Variants in RNF38 observed in about 807,000 individuals in gnomAD.
RNF38 encodes the protein ring finger protein 38.
RNF38 carries 15 observed loss-of-function variants against 67.2 expected under a neutral mutation model. The observed-to-expected ratio is 0.22, with a 90% CI of 0.15 to 0.34. RNF38 has a LOEUF of 0.34. Among genes scored for constraint, RNF38 ranks in the 10% least tolerant of loss-of-function variants. The pLI, the probability that RNF38 is intolerant of heterozygous loss-of-function variation, is 1.00. For missense variants in RNF38, 524 were observed against 639.9 expected (o/e 0.82, Z 1.95); for synonymous variants, 220 against 218.8 (o/e 1.01, Z -0.05).
chr9:36,388,723 G>T (rs1287345509), intron 2 of RNF38, among the ~76,000 whole-genome samples: 1 of 152,006 alleles, frequency 6.6e-6, no homozygotes, highest in Non-Finnish European at 1.5e-5. Flanking sequence ...AGCAGAGAGG[G>T]TGCCTTAGAA....
At chr9:36,478,387 G>A (rs1445147371) in intron 1 of RNF38, among the ~76,000 whole-genome samples, 1 of 115,560 alleles carries the variant, frequency 8.7e-6, no homozygotes, top group African/African-American at 3.3e-5. Context: ...CTGGGGGAGA[G>A]AGCGAGACTC....
At chr9:36,351,288 G>C in intron 8 of RNF38, 89 bp from the exon 9 acceptor site, 1 of 794,546 alleles carries the variant, frequency 1.3e-6, no homozygotes, top group Non-Finnish European at 2.0e-6. Flanking sequence ...GTGCTATAAG[G>C]ATGAAGAATG....
intron 5 of RNF38, 22 bp from the exon 6 acceptor site, chr9:36,356,495 T>C: frequency 3.9e-6 from 6 of 1,525,988 alleles, no homozygotes; most frequent in Non-Finnish European, 5.3e-6. Context: ...ACCATTACAG[T>C]TTGGTTAAAA....
intron 2 of RNF38, among the ~76,000 whole-genome samples, chr9:36,378,959 G>A (rs1195451652): frequency 2.0e-5 from 3 of 150,370 alleles, no homozygotes; most frequent in African/African-American, 7.4e-5. Flanking sequence ...GGAGTGCAGT[G>A]GCCTCATCTC....
chr9:36,368,011 G>A (rs986388120), intron 4 of RNF38, among the ~76,000 whole-genome samples: 5 of 151,922 alleles, frequency 3.3e-5, no homozygotes, highest in Admixed American at 2.0e-4. Context: ...GCCATCACGT[G>A]CGGCCAATTT....
At chr9:36,446,844 G>A (rs1437610075) in intron 1 of RNF38, among the ~76,000 whole-genome samples, 1 of 128,258 alleles carries the variant, frequency 7.8e-6, no homozygotes, top group Non-Finnish European at 1.6e-5. Context: ...AAAAAAGTCA[G>A]GCATGGTGGC....
At chr9:36,485,304 G>GTATATATATATATATATATATATA (rs1156313770) in intron 1 of RNF38, among the ~76,000 whole-genome samples, 2,288 of 150,252 alleles carry the variant, frequency 0.015, 53 homozygotes, top group African/African-American at 0.049. Flanking sequence ...ATCTCTTAGG[G>GTATATATATATATATATATATATA]TATATATACA....
intron 2 of RNF38, among the ~76,000 whole-genome samples, chr9:36,385,619 T>C (rs1198362113): frequency 6.6e-6 from 1 of 152,106 alleles, no homozygotes; most frequent in South Asian, 2.1e-4. Context: ...CCTCAGGTGA[T>C]CCACCCGCCT....
chr9:36,441,537 C>G (rs1209678242), intron 1 of RNF38, among the ~76,000 whole-genome samples: 2 of 152,066 alleles, frequency 1.3e-5, no homozygotes, highest in South Asian at 2.1e-4. Context: ...ACTGGCTGGG[C>G]TGGTCTTGAA....
chr9:36,441,289 T>C (rs978102533), intron 1 of RNF38, among the ~76,000 whole-genome samples: 2 of 152,064 alleles, frequency 1.3e-5, no homozygotes, highest in African/African-American at 4.8e-5. Flanking sequence ...CATAATTTCA[T>C]TTTGCAGGCT....
chr9:36,393,931 T>C (rs1451383448), intron 1 of RNF38, among the ~76,000 whole-genome samples: 1 of 152,134 alleles, frequency 6.6e-6, no homozygotes, highest in Non-Finnish European at 1.5e-5. Context: ...CTCAGTCCTA[T>C]AATCACAAGA....
intron 1 of RNF38, among the ~76,000 whole-genome samples, chr9:36,468,307 A>G (rs1190570423): frequency 1.3e-5 from 2 of 151,766 alleles, no homozygotes; most frequent in Admixed American, 1.3e-4. Context: ...TAGGAGACAG[A>G]GATTACCAGA....
intron 3 of RNF38, among the ~76,000 whole-genome samples, chr9:36,375,622 C>T (rs1306348102): frequency 6.6e-6 from 1 of 152,198 alleles, no homozygotes; most frequent in East Asian, 1.9e-4. Context: ...TTATGAACTA[C>T]AAAATGCATC....
chr9:36,486,355 T>A (rs548935927), intron 1 of RNF38, among the ~76,000 whole-genome samples: 17 of 151,958 alleles, frequency 1.1e-4, no homozygotes, highest in Non-Finnish European at 2.4e-4. Context: ...TCCTCCCAGC[T>A]TCCTTCCCCC....
At chr9:36,453,003 A>T (rs1056722746) in intron 1 of RNF38, among the ~76,000 whole-genome samples, 1 of 152,144 alleles carries the variant, frequency 6.6e-6, no homozygotes, top group Non-Finnish European at 1.5e-5. Context: ...GTTTTCAATT[A>T]CGTTGGGTAT....
chr9:36,400,929 G>A (rs1392999304), upstream of RNF38: 47 of 821,084 alleles, frequency 5.7e-5, no homozygotes, highest in East Asian at 3.2e-3. Context: ...GCCGCACCCC[G>A]CCTCACCCCG....
intron 1 of RNF38, among the ~76,000 whole-genome samples, chr9:36,484,938 G>A (rs574061558): frequency 1.7e-4 from 26 of 152,216 alleles, no homozygotes; most frequent in African/African-American, 5.3e-4. Flanking sequence ...AGGCAGAGGC[G>A]GGCAGATCAC....
Position 36,424,540 on chromosome 9 carries a change from G to A in RNF38, n.312+73C>T, listed in dbSNP as rs117505202. On this transcript the variant is annotated intron_variant and non_coding_transcript_variant, in intron 2 of 3. Coordinates refer to the RNF38 transcript ENST00000488058. ...ACACTCTTCTTGCCCTAGGCCCAGAGTTACGCAAGAGAATCCAGCAACGTA... is the reference window on the plus strand; with the variant it reads ...ACACTCTTCTTGCCCTAGGCCCAGAATTACGCAAGAGAATCCAGCAACGTA... 1.9e-4 allele frequency: 108 copies of A among 580,198 alleles called. 4 individuals carry two copies. In the East Asian group the frequency reaches 0.012, roughly 65 times the overall value. The allele number at this position is 580,198 out of a possible 1,614,324, so 35.9% of individuals were successfully genotyped here.
upstream of RNF38, among the ~76,000 whole-genome samples, chr9:36,402,441 A>T (rs1006309826): frequency 3.3e-5 from 5 of 151,628 alleles, no homozygotes; most frequent in African/African-American, 1.2e-4. Context: ...CACAAATCGC[A>T]ATCTACTGTG....
Sources: allele counts gnomAD v4.1 joint callset (sites outside exome capture counted in the v4.1 genomes callset), GRCh38; gene constraint gnomAD v4.1.1; transcripts MANE v1.5; gene names NCBI Gene and HGNC (gene_info 2026-07-23, HGNC 2026-07-21).